Variants in YWHAQ observed in about 807,000 individuals in gnomAD.
YWHAQ encodes the protein tyrosine 3-monooxygenase/tryptophan 5-monooxygenase activation protein theta.
YWHAQ carries 6 observed loss-of-function variants against 28.3 expected under a neutral mutation model. The observed-to-expected ratio is 0.21, with a 90% CI of 0.12 to 0.42. YWHAQ has a LOEUF of 0.42. Ranked by LOEUF, YWHAQ falls within the 10% of genes least tolerant of loss-of-function variation. The pLI is 1.00. For synonymous variants in YWHAQ, 143 were observed against 119.1 expected, an observed-to-expected ratio of 1.20 and a Z score of -1.31; for missense variants, 201 against 305.6, an observed-to-expected ratio of 0.66 and a Z score of 2.55.
At position 9,630,921 on chromosome 2, in the gene YWHAQ, G is replaced by A. The variant is rs911738265; in HGVS notation, c.-83+20C>T. ...CCGAGCGCGGCCGGAGGAAGCCCGC[G>A]GGCCGACCCAGGCGCTCACCTTCAC... On this transcript the variant is annotated intron_variant, in intron 1 of 5. Transcript: ENST00000238081. The surrounding 1 kb of genome is among the most constrained non-coding windows in gnomAD (Gnocchi z 5.6). 2 of 152,840 alleles carry A rather than the reference G, an allele frequency of 1.3e-5. No individual in the cohort carries two copies. The highest frequency in any genetic ancestry group is 1.9e-4 in the East Asian group (1 of 5,158). The allele number at this position is 152,840 out of a possible 1,614,324, so 9.5% of individuals were successfully genotyped here. A position where few individuals can be genotyped will look rare whatever the true frequency, so the allele number is the denominator to read the frequency against.
intron 2 of YWHAQ, among the ~76,000 whole-genome samples, chr2:9,621,132 G>A (rs1026689962): frequency 6.6e-6 from 1 of 152,156 alleles, no homozygotes; most frequent in African/African-American, 2.4e-5. Flanking sequence ...GAAATGCAAT[G>A]CCGCTATTCT....
intron 2 of YWHAQ, among the ~76,000 whole-genome samples, chr2:9,597,413 C>T (rs1018106013): frequency 2.6e-5 from 4 of 152,084 alleles, no homozygotes; most frequent in East Asian, 1.9e-4. Flanking sequence ...TTTGGGAGGC[C>T]GGGGTGGGCG....
intron 2 of YWHAQ, among the ~76,000 whole-genome samples, chr2:9,629,653 G>A (rs371561544): frequency 1.2e-4 from 18 of 152,258 alleles, no homozygotes; most frequent in South Asian, 4.1e-4. Flanking sequence ...TGGGGGGTGG[G>A]GGGGAGCACA....
chr2:9,588,271 T>A lies in YWHAQ; in HGVS notation c.476A>T (p.Glu159Val), dbSNP rs1666386952. 2 of 1,609,674 alleles carry A rather than the reference T, an allele frequency of 1.2e-6. No homozygotes were observed. Among genetic ancestry groups the A allele is most frequent in the African/African-American group, 2.7e-5 (2 of 74,478 alleles). ...YQEAFDISKK[E>V]MQPTHPIRLG... ...GCGGATTGGGTGTGTGGGTTGCATC[T>A]CTTTCTTGCTTATATCAAATGCCTC... is the stretch of plus-strand genomic sequence containing the variant. Residue 159 changes from glutamate to valine, a missense_variant, in exon 4 of 6, where the codon GAG (glutamate) becomes GTG (valine). By Grantham distance (121) the Glu-to-Val change is moderately radical (BLOSUM62 -2). Around this residue, in one of 2 missense-constraint regions of YWHAQ, gnomAD observed 162 missense variants for 213.9 expected, o/e 0.76. Transcript: ENST00000238081.
intron 2 of YWHAQ, among the ~76,000 whole-genome samples, chr2:9,625,148 G>C (rs1487035599): frequency 3.3e-5 from 5 of 151,244 alleles, no homozygotes; most frequent in Non-Finnish European, 7.4e-5. Flanking sequence ...TGTAATCCCA[G>C]CTACTCGGGA....
chr2:9,599,232 T>C (rs1300221818), intron 2 of YWHAQ, among the ~76,000 whole-genome samples: 1 of 152,186 alleles, frequency 6.6e-6, no homozygotes, highest in Non-Finnish European at 1.5e-5. Context: ...TAGGAGAGGT[T>C]GATTCATGAG....
At chr2:9,590,304 C>T (rs1016650709) in intron 3 of YWHAQ, among the ~76,000 whole-genome samples, 40 of 152,176 alleles carry the variant, frequency 2.6e-4, no homozygotes, top group Non-Finnish European at 7.3e-5. Context: ...ACAGAAATTA[C>T]ACATCAGTAA....
At chr2:9,601,089 T>C (rs553900323) in intron 2 of YWHAQ, among the ~76,000 whole-genome samples, 16 of 152,252 alleles carry the variant, frequency 1.1e-4, no homozygotes, top group Non-Finnish European at 2.1e-4. Flanking sequence ...TCTGCAATTA[T>C]TAATGCTATT....
At chr2:9,616,719 A>C (rs979751494) in intron 2 of YWHAQ, among the ~76,000 whole-genome samples, 11 of 152,206 alleles carry the variant, frequency 7.2e-5, no homozygotes, top group Non-Finnish European at 1.5e-4. Context: ...ATCCACCAGG[A>C]TTGGTGAGGA....
In YWHAQ at chr2:9,630,482, G is replaced by C. The variant is rs1210867787; in HGVS notation, c.-30C>G. The C allele has an allele frequency of 1.9e-6, 3 of 1,560,360 alleles. No individual in the cohort carries two copies. In the Admixed American group the frequency reaches 5.4e-5, roughly 28 times the overall value. ...GGCGCGGGGCCGGGGCCGGGGCGGA[G>C]GGCGAGGAGAGCGAGGGCGAGCGCC... is the stretch of plus-strand genomic sequence containing the variant. On this transcript the variant is annotated 5_prime_UTR_variant, in exon 2 of 6. Transcript: ENST00000238081. This position sits in a 1 kb window ranked among gnomAD's most constrained non-coding sequence, Gnocchi z 5.6.
chr2:9,622,774 A>T (rs1255703460), intron 2 of YWHAQ, among the ~76,000 whole-genome samples: 3 of 152,222 alleles, frequency 2.0e-5, no homozygotes, highest in Non-Finnish European at 4.4e-5. Flanking sequence ...TAAATACTCA[A>T]TATGCAAACA....
intron 5 of YWHAQ, 79 bp from the exon 6 acceptor site, chr2:9,585,424 AACT>A (rs1666322677): frequency 1.4e-6 from 2 of 1,477,964 alleles, no homozygotes; most frequent in Non-Finnish European, 1.9e-6. Flanking sequence ...TATCAAAATT[AACT>A]ACAAGAGTAG....
At chr2:9,627,431 G>GA (rs1230440115) in intron 2 of YWHAQ, among the ~76,000 whole-genome samples, 1 of 152,172 alleles carries the variant, frequency 6.6e-6, no homozygotes, top group African/African-American at 2.4e-5. Flanking sequence ...TACTTTCCTA[G>GA]ACTCCTTATT....
intron 2 of YWHAQ, among the ~76,000 whole-genome samples, chr2:9,613,810 C>T (rs62119432): frequency 0.15 from 22,476 of 152,006 alleles, 2,067 homozygotes; most frequent in Middle Eastern, 0.23. Flanking sequence ...CAATTAACCA[C>T]GTAAAAAAAA....
Position 9,621,412 on chromosome 2 carries a change from G to C in YWHAQ, c.294+8747C>G, listed in dbSNP as rs112251726. 3.2e-3 allele frequency among the ~76,000 whole-genome samples: 492 copies of C among 152,180 alleles called. 5 individuals are homozygous for C. The highest frequency in any genetic ancestry group is 0.011 in the African/African-American group (457 of 41,518). ...CTATCTTCTTGCTATATGTATTAAA[G>C]ACACTCAACCAGTGATGTGAAATAT... On this transcript the variant is annotated intron_variant, in intron 2 of 5. Transcript: ENST00000238081.
intron 2 of YWHAQ, among the ~76,000 whole-genome samples, chr2:9,629,257 A>C (rs1667308027): frequency 1.3e-5 from 2 of 152,252 alleles, no homozygotes; most frequent in South Asian, 4.1e-4. Context: ...TTTTATTCAT[A>C]GAAATGACTC....
At chr2:9,592,549 C>T (rs1163416849) in intron 2 of YWHAQ, among the ~76,000 whole-genome samples, 5 of 151,910 alleles carry the variant, frequency 3.3e-5, no homozygotes, top group Admixed American at 3.3e-4. Context: ...CATAATGAAA[C>T]CCCGTCTCTA....
Position 9,630,560 on chromosome 2 carries a change from G to A in YWHAQ, c.-82-26C>T. ...CTGCGGAGGGGCGGGGCGGCGAGGC[G>A]AGAACAAAAAGCAGAGAGGGAGCGC... is the stretch of plus-strand genomic sequence containing the variant. On this transcript the variant is annotated intron_variant, in intron 1 of 5. Transcript: ENST00000238081. This position sits in a 1 kb window ranked among gnomAD's most constrained non-coding sequence, Gnocchi z 5.6. 1.7e-6 allele frequency: 2 copies of A among 1,173,272 alleles called. No individual in the cohort carries two copies. The highest frequency in any genetic ancestry group is 2.3e-6 in the Non-Finnish European group (2 of 863,980). The allele number at this position is 1,173,272 out of a possible 1,614,324, so 72.7% of individuals were successfully genotyped here. A position where few individuals can be genotyped will look rare whatever the true frequency, so the allele number is the denominator to read the frequency against.
intron 2 of YWHAQ, among the ~76,000 whole-genome samples, chr2:9,598,011 T>TTTTTTTTTTTTTTTTTTG (rs1397521514): frequency 5.8e-5 from 8 of 137,102 alleles, no homozygotes; most frequent in Non-Finnish European, 1.1e-4. Flanking sequence ...TTTTTTTTTT[T>TTTTTTTTTTTTTTTTTTG]TTAGTAGAGA....
Sources: allele counts gnomAD v4.1 joint callset (sites outside exome capture counted in the v4.1 genomes callset), GRCh38; gene constraint gnomAD v4.1.1; regional missense constraint gnomAD v4.1.1; non-coding constraint Gnocchi (gnomAD v3.1); transcripts MANE v1.5; gene names NCBI Gene and HGNC (gene_info 2026-07-23, HGNC 2026-07-21).